FGF12: variants seen among roughly 807,000 people sequenced by gnomAD.
FGF12 encodes the protein fibroblast growth factor 12, also known as fibroblast growth factor 12B.
A neutral mutation model predicts 23.6 loss-of-function variants in FGF12; 14 were observed. That is an observed-to-expected ratio of 0.59 (90% CI 0.39 to 0.93). FGF12 has a LOEUF of 0.93. FGF12 is among the 40% of genes least tolerant of loss of function. FGF12 has a pLI of 0.00. For synonymous variants in FGF12, 62 were observed against 77.3 expected, an observed-to-expected ratio of 0.80 and a Z score of 1.04; for missense variants, 175 against 217.8, an observed-to-expected ratio of 0.80 and a Z score of 1.24.
intron 4 of FGF12, among the ~76,000 whole-genome samples, chr3:192,254,366 G>C (rs1420436254): frequency 6.6e-6 from 1 of 151,634 alleles, no homozygotes; most frequent in African/African-American, 2.4e-5. Flanking sequence ...CTTTATTAAG[G>C]CTGAAGTGTA....
At chr3:192,672,106 T>C (rs1042973027) in intron 2 of FGF12, among the ~76,000 whole-genome samples, 1 of 151,552 alleles carries the variant, frequency 6.6e-6, no homozygotes, top group Admixed American at 6.6e-5. Flanking sequence ...TAGTCTTCTA[T>C]AGTAAACTGC....
intron 3 of FGF12, among the ~76,000 whole-genome samples, chr3:192,351,404 T>C (rs1187577532): frequency 6.6e-6 from 1 of 152,232 alleles, no homozygotes; most frequent in Non-Finnish European, 1.5e-5. Context: ...CAGCCCAAGC[T>C]ACTTTGTCTT....
intron 2 of FGF12, among the ~76,000 whole-genome samples, chr3:192,484,092 T>A (rs1294366431): frequency 6.6e-6 from 1 of 152,138 alleles, no homozygotes; most frequent in Non-Finnish European, 1.5e-5. Flanking sequence ...CAATGAAGAC[T>A]AGCCACAGAG....
intron 4 of FGF12, among the ~76,000 whole-genome samples, chr3:192,186,131 A>T (rs1716454438): frequency 6.6e-6 from 1 of 152,206 alleles, no homozygotes; most frequent in Non-Finnish European, 1.5e-5. Flanking sequence ...TGAACTGAGA[A>T]CCAATTGTGT....
intron 3 of FGF12, among the ~76,000 whole-genome samples, chr3:192,350,242 C>G (rs1718157279): frequency 6.6e-6 from 1 of 151,908 alleles, no homozygotes; most frequent in African/African-American, 2.4e-5. Context: ...ACAGTTTGTT[C>G]AGAGAAAAAG....
At chr3:192,474,537 C>T (rs1479727617) in intron 2 of FGF12, among the ~76,000 whole-genome samples, 1 of 152,120 alleles carries the variant, frequency 6.6e-6, no homozygotes, top group African/African-American at 2.4e-5. Context: ...AAAACTGCTA[C>T]CTTTTTTGTT....
chr3:192,388,401 G>C (rs993985899), intron 2 of FGF12, among the ~76,000 whole-genome samples: 11 of 152,076 alleles, frequency 7.2e-5, no homozygotes. Flanking sequence ...AATTTATATT[G>C]CATTTTATTT....
chr3:192,614,231 T>G (rs1181315664), intron 2 of FGF12, among the ~76,000 whole-genome samples: 1 of 151,936 alleles, frequency 6.6e-6, no homozygotes, highest in Non-Finnish European at 1.5e-5. Context: ...GGTCAACATT[T>G]TCTATAGTTA....
chr3:192,529,347 C>T (rs1725030164), intron 2 of FGF12, among the ~76,000 whole-genome samples: 1 of 152,188 alleles, frequency 6.6e-6, no homozygotes, highest in Non-Finnish European at 1.5e-5. Flanking sequence ...CTCACAATTT[C>T]CTCATCTCCA....
chr3:192,217,685 G>A (rs1241925935), intron 4 of FGF12, among the ~76,000 whole-genome samples: 1 of 152,100 alleles, frequency 6.6e-6, no homozygotes, highest in Admixed American at 6.5e-5. Flanking sequence ...TCTCTGAATT[G>A]CTTTGCTTTA....
intron 2 of FGF12, among the ~76,000 whole-genome samples, chr3:192,424,757 CAG>C (rs1315570792): frequency 1.3e-5 from 2 of 152,122 alleles, no homozygotes; most frequent in South Asian, 2.1e-4. Context: ...ACCGTACACA[CAG>C]AGAGACACAC....
intron 2 of FGF12, among the ~76,000 whole-genome samples, chr3:192,469,914 G>A (rs917475343): frequency 6.6e-6 from 1 of 152,152 alleles, no homozygotes; most frequent in South Asian, 2.1e-4. Flanking sequence ...AAAATTATCT[G>A]TTTTACAAAG....
chr3:192,219,935 CCT>C (rs1313844850), intron 4 of FGF12, among the ~76,000 whole-genome samples: 1 of 152,144 alleles, frequency 6.6e-6, no homozygotes, highest in Non-Finnish European at 1.5e-5. Flanking sequence ...TTTTGAAATT[CCT>C]CTTTCTGATT....
intron 5 of FGF12, among the ~76,000 whole-genome samples, chr3:192,155,154 G>A (rs1032902285): frequency 2.6e-5 from 4 of 152,010 alleles, no homozygotes; most frequent in Non-Finnish European, 4.4e-5. Context: ...GTGAGGCAAT[G>A]CCTCGCCCTG....
chr3:192,408,578 G>A lies in FGF12; in HGVS notation c.14-48040C>T, dbSNP rs1284405465. On this transcript the variant is annotated intron_variant, in intron 2 of 5. Coordinates refer to ENST00000445105, the MANE Select transcript of FGF12 (RefSeq NM_004113.6). The surrounding 1 kb of genome is among the most constrained non-coding windows in gnomAD (Gnocchi z 7.3). ...TGGGGAGTTTAGTCACACTGCGTTC[G>A]GGGTACCAAGTGGAAGGGGAAGAAC... The A allele has an allele frequency of 9.1e-7, 1 of 1,095,082 alleles. No individual in the cohort carries two copies. Among genetic ancestry groups the A allele is most frequent in the Admixed American group, 4.7e-5 (1 of 21,166 alleles). The allele number at this position is 1,095,082 out of a possible 1,614,324, so 67.8% of individuals were successfully genotyped here.
chr3:192,274,331 A>G (rs987525397), intron 4 of FGF12, among the ~76,000 whole-genome samples: 2 of 152,234 alleles, frequency 1.3e-5, no homozygotes, highest in African/African-American at 4.8e-5. Flanking sequence ...ACAAGTATTT[A>G]TGTATATAAA....
At chr3:192,380,225 C>T (rs1028020154) in intron 2 of FGF12, among the ~76,000 whole-genome samples, 4 of 152,162 alleles carry the variant, frequency 2.6e-5, no homozygotes, top group African/African-American at 9.7e-5. Context: ...TTAAGAATTA[C>T]AATTTACTGC....
chr3:192,374,105 C>G (rs1409280883), intron 2 of FGF12, among the ~76,000 whole-genome samples: 1 of 152,196 alleles, frequency 6.6e-6, no homozygotes, highest in Non-Finnish European at 1.5e-5. Flanking sequence ...GAACAATTAA[C>G]ATTAAAATGT....
intron 4 of FGF12, among the ~76,000 whole-genome samples, chr3:192,247,094 AAG>A (rs1711666211): frequency 7.7e-6 from 1 of 129,206 alleles, no homozygotes; most frequent in Non-Finnish European, 1.7e-5. Context: ...GGAAGGAAGG[AAG>A]GAAGGAATAT....
Sources: gnomAD v4.1 joint callset for allele counts (sites outside exome capture counted in the v4.1 genomes callset) on GRCh38, gnomAD v4.1.1 for gene constraint, Gnocchi (gnomAD v3.1) non-coding constraint, MANE v1.5 for transcripts, NCBI Gene and HGNC (gene_info 2026-07-23, HGNC 2026-07-21) for gene names.